The following CACNG6 variants were observed in gnomAD, a reference collection of about 807,000 sequenced individuals.
CACNG6 encodes the protein voltage-dependent calcium channel gamma-6 subunit.
A neutral mutation model predicts 23.9 loss-of-function variants in CACNG6; 21 were observed. The observed-to-expected ratio is 0.88, with a 90% CI of 0.62 to 1.26. The LOEUF is 1.26. CACNG6 is among the 50% of genes most tolerant of loss of function. CACNG6 has a pLI of 0.00. For missense variants in CACNG6, 340 were observed against 352.9 expected, an observed-to-expected ratio of 0.96 and a Z score of 0.29; for synonymous variants, 182 against 168.9, an observed-to-expected ratio of 1.08 and a Z score of -0.60.
At chr19:53,994,517 C>T (rs904132096) in intron 1 of CACNG6, among the ~76,000 whole-genome samples, 1 of 152,138 alleles carries the variant, frequency 6.6e-6, no homozygotes, top group Non-Finnish European at 1.5e-5. Flanking sequence ...ATGAAATCTC[C>T]TTCTACCTCC....
rs2069472128 is a variant in CACNG6 at position 53,992,532 on chromosome 19, GA to G, written c.-345del. ...CTCATTCCTCTGGAGCTCTTGGGGG[GA>G]CTCCCTCCTGGGAAGCCGAATTCTA... On this transcript the variant is annotated 5_prime_UTR_variant, in exon 1 of 4. Coordinates refer to ENST00000252729, the MANE Select transcript of CACNG6 (RefSeq NM_145814.2). The surrounding 1 kb of genome is among the most constrained non-coding windows in gnomAD (Gnocchi z 4.1). 1 of 185,966 alleles carries G rather than the reference GA, an allele frequency of 5.4e-6. No homozygotes were observed. The allele number at this position is 185,966 out of a possible 1,614,324, so 11.5% of individuals were successfully genotyped here. A position where few individuals can be genotyped will look rare whatever the true frequency, so the allele number is the denominator to read the frequency against.
At chr19:54,004,096 G>A (rs1242506047) in intron 3 of CACNG6, among the ~76,000 whole-genome samples, 1 of 151,946 alleles carries the variant, frequency 6.6e-6, no homozygotes, top group African/African-American at 2.4e-5. Context: ...GACTCAAGCA[G>A]TCCTCTCGCT....
At chr19:54,001,526 T>G (rs1568814615) in intron 3 of CACNG6, among the ~76,000 whole-genome samples, 1 of 152,226 alleles carries the variant, frequency 6.6e-6, no homozygotes. Context: ...AACACCTTCC[T>G]GTGCACCCCC....
At chr19:54,005,593 A>C (rs575255551) in intron 3 of CACNG6, among the ~76,000 whole-genome samples, 1 of 151,694 alleles carries the variant, frequency 6.6e-6, no homozygotes, top group East Asian at 1.9e-4. Context: ...GTTTTTACTA[A>C]GATATAAAAA....
intron 1 of CACNG6, among the ~76,000 whole-genome samples, chr19:53,993,689 TAC>T (rs1200180458): frequency 3.8e-5 from 5 of 130,970 alleles, no homozygotes; most frequent in African/African-American, 6.0e-5. Flanking sequence ...TGTCCCCAGC[TAC>T]AGTTTCCACC....
chr19:53,991,637 A>C lies in CACNG6; in HGVS notation c.-1241A>C, dbSNP rs1461710110. Among the ~76,000 whole-genome samples the C allele has an allele frequency of 1.3e-5, 2 of 151,282 alleles. No individual in the cohort carries two copies. Among genetic ancestry groups the C allele is most frequent in the East Asian group, 3.9e-4 (2 of 5,096 alleles). ...ACGAGGCCGGGCGCGGGCGGAGGCC[A>C]GGCCGGTGGCGGTGGCGGGCACAGC... On this transcript the variant is annotated 5_prime_UTR_variant, in exon 1 of 4. Coordinates refer to ENST00000252729, the MANE Select transcript of CACNG6 (RefSeq NM_145814.2).
intron 3 of CACNG6, among the ~76,000 whole-genome samples, chr19:54,011,708 T>G (rs1023791375): frequency 1.3e-5 from 2 of 151,248 alleles, no homozygotes; most frequent in African/African-American, 4.9e-5. Context: ...TCCTCTTCCC[T>G]CCGGCCCTCG....
chr19:53,991,883 C>G lies in CACNG6; in HGVS notation c.-995C>G, dbSNP rs2069464320. ...GCGTCTCTTGCGGGTCGCGGTTGGC[C>G]TTTGAACCCTGGGGGGACTCAGTCC... is the stretch of plus-strand genomic sequence containing the variant. On this transcript the variant is annotated 5_prime_UTR_variant, in exon 1 of 4. Coordinates refer to ENST00000252729, the MANE Select transcript of CACNG6 (RefSeq NM_145814.2). 6.6e-6 allele frequency among the ~76,000 whole-genome samples: 1 copy of G among 152,154 alleles called. No homozygotes were observed. The highest frequency in any genetic ancestry group is 1.5e-5 in the Non-Finnish European group (1 of 68,004).
At chr19:53,993,830 C>T (rs2069494077) in intron 1 of CACNG6, among the ~76,000 whole-genome samples, 1 of 151,428 alleles carries the variant, frequency 6.6e-6, no homozygotes, top group East Asian at 1.9e-4. Flanking sequence ...TCTATGACCC[C>T]CAAAGTCCCT....
intron 1 of CACNG6, among the ~76,000 whole-genome samples, chr19:53,995,850 CG>C (rs1297384767): frequency 6.6e-6 from 1 of 152,042 alleles, no homozygotes; most frequent in East Asian, 1.9e-4. Context: ...TTAGTAGAGA[CG>C]GGGTTTCACC....
chr19:54,001,378 A>G (rs1367019755), intron 3 of CACNG6, among the ~76,000 whole-genome samples: 1 of 151,938 alleles, frequency 6.6e-6, no homozygotes, highest in African/African-American at 2.4e-5. Context: ...TAGTAGAGAC[A>G]GGGTTTCATC....
intron 2 of CACNG6, among the ~76,000 whole-genome samples, chr19:53,998,583 C>T (rs1302070050): frequency 6.7e-6 from 1 of 149,550 alleles, no homozygotes; most frequent in East Asian, 2.0e-4. Context: ...ACAATCTCGG[C>T]TCACTGCAAC....
chr19:54,001,173 GTTTTC>G (rs367896681), intron 3 of CACNG6, among the ~76,000 whole-genome samples: 309 of 149,214 alleles, frequency 2.1e-3, no homozygotes, highest in Middle Eastern at 6.9e-3. Flanking sequence ...TGGATCAAAT[GTTTTC>G]TTTTCTTTTC....
chr19:54,010,504 G>T (rs1240091115), intron 3 of CACNG6, among the ~76,000 whole-genome samples: 4 of 152,112 alleles, frequency 2.6e-5, no homozygotes, highest in Non-Finnish European at 5.9e-5. Flanking sequence ...AGAAAAAAAA[G>T]TTGTGGGAAA....
Position 53,993,102 on chromosome 19 carries a change from G to A in CACNG6, c.225G>A (p.Val75=), listed in dbSNP as rs762927599. ...CCTACAAGGCCAACGGCAGCGCCGT[G>A]TGCGAAGCGGCCCACCTGGGGCTGT... ...LNTYKANGSA[V]CEAAHLGLWK... The change falls in exon 1 of 4, where the codon GTG becomes GTA. Residue 75 remains valine (V), a synonymous_variant. Coordinates refer to ENST00000252729, the MANE Select transcript of CACNG6 (RefSeq NM_145814.2). The A allele has an allele frequency of 8.4e-6, 13 of 1,546,760 alleles. No individual in the cohort carries two copies. In the South Asian group the frequency reaches 1.5e-4, roughly 18 times the overall value.
rs1193232559 is a variant in CACNG6 at position 53,992,574 on chromosome 19, G to A, written c.-304G>A. On this transcript the variant is annotated 5_prime_UTR_variant, in exon 1 of 4. The change creates a new upstream start codon in the 5' untranslated region. Coordinates refer to ENST00000252729, the MANE Select transcript of CACNG6 (RefSeq NM_145814.2). The surrounding 1 kb of genome is among the most constrained non-coding windows in gnomAD (Gnocchi z 4.1). Reference sequence around the variant, plus strand: ...CCGAATTCTATCTCTAAACCTCAGGGTGGGGGCCTTGTTTTTCCTCTGGGC... The same window carrying A: ...CCGAATTCTATCTCTAAACCTCAGGATGGGGGCCTTGTTTTTCCTCTGGGC... 1 of 243,318 alleles carries A rather than the reference G, an allele frequency of 4.1e-6. No individual in the cohort carries two copies. The highest frequency in any genetic ancestry group is 7.5e-5 in the East Asian group (1 of 13,348). The allele number at this position is 243,318 out of a possible 1,614,324, so 15.1% of individuals were successfully genotyped here.
chr19:54,011,759 TTG>T (rs1208499703), intron 3 of CACNG6, among the ~76,000 whole-genome samples, 190 bp from the exon 4 acceptor site: 1 of 129,124 alleles, frequency 7.7e-6, no homozygotes, highest in Non-Finnish European at 1.7e-5. Context: ...ACTTTGTGTC[TTG>T]TTTTTTTTTT....
At position 54,002,083 on chromosome 19, in the gene CACNG6, C is replaced by T. The variant is rs1411834502; in HGVS notation, c.544+2312C>T. ...TCTCTTTCCCTATGTCTCTTTCTAT[C>T]TCTCTCTTTTTTTTTTGTTTTTGAG... On this transcript the variant is annotated intron_variant, in intron 3 of 3. Transcript: ENST00000252729. Among the ~76,000 whole-genome samples the T allele has an allele frequency of 3.3e-5, 5 of 151,290 alleles. No individual in the cohort carries two copies. In the Admixed American group the frequency reaches 3.3e-4, roughly 10 times the overall value.
chr19:54,010,495 GA>G (rs933370693), intron 3 of CACNG6, among the ~76,000 whole-genome samples: 3 of 151,676 alleles, frequency 2.0e-5, no homozygotes, highest in Admixed American at 6.6e-5. Context: ...TTTGCTTTAA[GA>G]AAAAAAAGTT....
Sources: gnomAD v4.1 joint callset for allele counts (sites outside exome capture counted in the v4.1 genomes callset) on GRCh38, gnomAD v4.1.1 for gene constraint, Gnocchi (gnomAD v3.1) non-coding constraint, MANE v1.5 for transcripts, NCBI Gene and HGNC (gene_info 2026-07-23, HGNC 2026-07-21) for gene names.